The following CORO6 variants were observed in gnomAD, a reference collection of about 807,000 sequenced individuals.
CORO6 encodes coronin 6.
CORO6 carries 43 observed loss-of-function variants against 49.0 expected under a neutral mutation model. That is an observed-to-expected ratio of 0.88 (90% CI 0.69 to 1.13). The LOEUF is 1.13. Ranked by LOEUF, CORO6 falls within the 50% of genes most tolerant of loss-of-function variation. The pLI is 0.00. For synonymous variants in CORO6, 233 were observed against 256.5 expected (o/e 0.91, Z 0.88); for missense variants, 650 against 647.0 (o/e 1.00, Z -0.05).
chr17:29,618,679 A>C, intron 5 of CORO6, 111 bp downstream of exon 5: 1 of 1,452,920 alleles, frequency 6.9e-7, no homozygotes, highest in Non-Finnish European at 9.1e-7. Context: ...TGGAGCAGGG[A>C]TGCGACAGGT....
intron 6 of CORO6, 106 bp from the exon 7 acceptor site, chr17:29,617,148 C>G: frequency 6.4e-7 from 1 of 1,570,916 alleles, no homozygotes. Flanking sequence ...ACCCTATGCC[C>G]CAAACCTCTA....
Position 29,619,636 on chromosome 17 carries a change from C to A in CORO6, c.321+15G>T. On this transcript the variant is annotated intron_variant, in intron 3 of 10. Coordinates refer to ENST00000388767, the MANE Select transcript of CORO6 (RefSeq NM_032854.4). Reference sequence around the variant, plus strand: ...CCCCTGCTCAACTGCCCAGCAGTAGCCACCTGGCTCCTACCATGATGGTGG... The same window carrying A: ...CCCCTGCTCAACTGCCCAGCAGTAGACACCTGGCTCCTACCATGATGGTGG... 1 of 1,612,558 alleles carries A rather than the reference C, an allele frequency of 6.2e-7. No individual in the cohort carries two copies. Among genetic ancestry groups the A allele is most frequent in the Non-Finnish European group, 8.5e-7 (1 of 1,179,236 alleles).
chr17:29,619,234 C>T (rs2035179415), intron 3 of CORO6, 45 bp from the exon 4 acceptor site: 1 of 1,604,568 alleles, frequency 6.2e-7, no homozygotes, highest in African/African-American at 1.3e-5. Flanking sequence ...TGAGGAGCCA[C>T]CCTGTCCCTC....
intron 6 of CORO6, 50 bp downstream of exon 6, chr17:29,617,450 C>G (rs749426935): frequency 2.9e-5 from 46 of 1,570,872 alleles, no homozygotes; most frequent in Non-Finnish European, 3.8e-5. Flanking sequence ...GGCCACTCTC[C>G]CGTGATGCCA....
In CORO6 at chr17:29,615,104, T is replaced by C. The variant is rs961874215; in HGVS notation, c.*628A>G. 6.6e-6 allele frequency: 1 copy of C among 152,228 alleles called. No individual in the cohort carries two copies. Among genetic ancestry groups the C allele is most frequent in the African/African-American group, 2.4e-5 (1 of 41,458 alleles). 9.4% of individuals were successfully genotyped at this position (152,228 alleles called of 1,614,324 possible). ...TCCTCATGCCAGTTCTCTCGAGATT[T>C]CTTCGCGGGGGCTGCCGCGAGGAAG... is the stretch of plus-strand genomic sequence containing the variant. On this transcript the variant is annotated 3_prime_UTR_variant, in exon 11 of 11. Transcript: ENST00000388767.
At chr17:29,618,684 A>G (rs937437648) in intron 5 of CORO6, 106 bp downstream of exon 5, 1 of 1,459,538 alleles carries the variant, frequency 6.9e-7, no homozygotes, top group Non-Finnish European at 9.1e-7. Context: ...CAGGGATGCG[A>G]CAGGTGAAAG....
chr17:29,619,854 G>A (rs1378503021), intron 2 of CORO6, 81 bp from the exon 3 acceptor site: 14 of 1,291,088 alleles, frequency 1.1e-5, no homozygotes, highest in African/African-American at 4.4e-5. Flanking sequence ...CTTACATCTC[G>A]ATTCCTTATT....
chr17:29,616,301 A>G lies in CORO6; in HGVS notation c.1040T>C (p.Ile347Thr). ...CACCTTGCGGGGCACAGTCATGATG[A>G]TAGGTTCACACTTTCTTTCGTGTAG... ...YKLHERKCEP[I>T]IMTVPRKSDL... Residue 347 changes from isoleucine to threonine, a missense_variant, in exon 9 of 11, where the codon ATC (isoleucine) becomes ACC (threonine). Transcript: ENST00000388767. This position sits in a 1 kb window ranked among gnomAD's most constrained non-coding sequence, Gnocchi z 5.6. 6.2e-7 allele frequency: 1 copy of G among 1,610,832 alleles called. No individual in the cohort carries two copies.
Position 29,619,240 on chromosome 17 carries a change from C to T in CORO6, c.322-51G>A, listed in dbSNP as rs775006298. 5.4e-5 allele frequency: 86 copies of T among 1,596,154 alleles called. No individual in the cohort carries two copies. The East Asian group carries it at 1.9e-3, about 36-fold the overall frequency. Reference sequence around the variant, plus strand: ...TGGGTGGAATGAGGAGCCACCCTGTCCCTCCACTCCTTCCCTACCTTTTTT... The same window carrying T: ...TGGGTGGAATGAGGAGCCACCCTGTTCCTCCACTCCTTCCCTACCTTTTTT... On this transcript the variant is annotated intron_variant, in intron 3 of 10. Coordinates refer to ENST00000388767, the MANE Select transcript of CORO6 (RefSeq NM_032854.4).
intron 5 of CORO6, chr17:29,618,301 G>A: frequency 1.5e-6 from 2 of 1,295,018 alleles, no homozygotes; most frequent in South Asian, 2.5e-5. Context: ...CGAGGCCAGG[G>A]CCGCCGCCCT....
Position 29,621,773 on chromosome 17 carries a change from C to T in CORO6, c.-63-289G>A. 1 of 281,840 alleles carries T rather than the reference C, an allele frequency of 3.5e-6. No homozygotes were observed. Among genetic ancestry groups the T allele is most frequent in the Middle Eastern group, 1.1e-3 (1 of 890 alleles). The allele number at this position is 281,840 out of a possible 1,614,324, so 17.5% of individuals were successfully genotyped here. A position where few individuals can be genotyped will look rare whatever the true frequency, so the allele number is the denominator to read the frequency against. On this transcript the variant is annotated intron_variant, in intron 1 of 10. Transcript: ENST00000388767. This position sits in a 1 kb window ranked among gnomAD's most constrained non-coding sequence, Gnocchi z 4.2. ...TGGGAGGAGCCTCAATGCCACACTG[C>T]CTGCACCCCCCGCCCCCACCACCGC...
In CORO6 at chr17:29,617,622, G is replaced by C. The variant is rs376581271; in HGVS notation, c.634-3C>G. On this transcript the variant is annotated splice_region_variant and splice_polypyrimidine_tract_variant and intron_variant, in intron 5 of 10. Coordinates refer to ENST00000388767, the MANE Select transcript of CORO6 (RefSeq NM_032854.4). ...CCCTCGTGGGCCGCAAACCTCTCCTGGGGGGAGGGGGAGACAGGGAGGGAC... is the reference window on the plus strand; with the variant it reads ...CCCTCGTGGGCCGCAAACCTCTCCTCGGGGGAGGGGGAGACAGGGAGGGAC... 6 of 1,588,044 alleles carry C rather than the reference G, an allele frequency of 3.8e-6. No homozygotes were observed. Among genetic ancestry groups the C allele is most frequent in the African/African-American group, 1.3e-5 (1 of 74,612 alleles).
intron 6 of CORO6, 112 bp from the exon 7 acceptor site, chr17:29,617,154 C>A (rs925859642): frequency 1.2e-5 from 18 of 1,563,354 alleles, no homozygotes; most frequent in Non-Finnish European, 1.6e-5. Context: ...TGCCCCAAAC[C>A]TCTAGTGACC....
At chr17:29,618,258 C>G in intron 5 of CORO6, 1 of 1,304,814 alleles carries the variant, frequency 7.7e-7, no homozygotes, top group Non-Finnish European at 9.7e-7. Flanking sequence ...ACGCGGCCCA[C>G]GCACCCGCAC....
intron 4 of CORO6, 35 bp downstream of exon 4, chr17:29,619,025 C>T (rs1156843816): frequency 6.2e-7 from 1 of 1,612,026 alleles, no homozygotes. Context: ...CCACCACCCA[C>T]CCATCTATGG....
At chr17:29,619,264 T>C in intron 3 of CORO6, 75 bp from the exon 4 acceptor site, 2 of 1,552,736 alleles carry the variant, frequency 1.3e-6, no homozygotes, top group Non-Finnish European at 1.8e-6. Context: ...CCTACCTTTT[T>C]TTTTAACCCT....
At chr17:29,617,947 G>T in intron 5 of CORO6, 1 of 1,034,154 alleles carries the variant, frequency 9.7e-7, no homozygotes, top group Non-Finnish European at 1.3e-6. Context: ...GGAGCTCCCC[G>T]CTCCGCTCTG....
chr17:29,619,274 T>C (rs2035183075), intron 3 of CORO6, 85 bp from the exon 4 acceptor site: 1 of 1,512,288 alleles, frequency 6.6e-7, no homozygotes, highest in Non-Finnish European at 9.0e-7. Flanking sequence ...TTTTTAACCC[T>C]ACTGGCTCTC....
chr17:29,616,878 C>G lies in CORO6; in HGVS notation c.859-31G>C. 1.2e-6 allele frequency: 2 copies of G among 1,613,106 alleles called. No individual in the cohort carries two copies. The highest frequency in any genetic ancestry group is 1.7e-6 in the Non-Finnish European group (2 of 1,179,600). ...AAATCAGTCGGTTCAGGGGCGCGCC[C>G]GGACAAGGCCCTCCACATCTCCATC... On this transcript the variant is annotated intron_variant, in intron 7 of 10. Transcript: ENST00000388767. This position sits in a 1 kb window ranked among gnomAD's most constrained non-coding sequence, Gnocchi z 5.6.
Sources: gnomAD v4.1 joint callset for allele counts on GRCh38, gnomAD v4.1.1 for gene constraint, Gnocchi (gnomAD v3.1) non-coding constraint, MANE v1.5 for transcripts, NCBI Gene and HGNC (gene_info 2026-07-23, HGNC 2026-07-21) for gene names.